Variants in PCDH15 observed in about 807,000 individuals in gnomAD.
PCDH15 encodes protocadherin related 15.
PCDH15 carries 129 observed loss-of-function variants against 178.5 expected under a neutral mutation model. The ratio of observed to expected loss-of-function variants is 0.72; its 90% CI spans 0.63 to 0.84. The LOEUF (loss-of-function observed/expected upper bound fraction) is 0.84, where lower values mean the gene tolerates loss of function less well. PCDH15 is among the 40% of genes least tolerant of loss of function. The probability of loss-of-function intolerance (pLI) is 0.00; values close to 1 mark genes in which losing one functional copy is unlikely to be tolerated. For missense variants in PCDH15, 2,230 were observed against 2,099.9 expected, an observed-to-expected ratio of 1.06 and a Z score of -1.21; for synonymous variants, 800 against 732.0, an observed-to-expected ratio of 1.09 and a Z score of -1.50.
At chr10:55,313,114 A>C (rs1843631418) in intron 1 of PCDH15, among the ~76,000 whole-genome samples, 1 of 152,200 alleles carries the variant, frequency 6.6e-6, no homozygotes, top group African/African-American at 2.4e-5. Flanking sequence ...TTTAGAAAGA[A>C]GCCATAGTGC....
chr10:55,620,175 C>A (rs1233324238), intron 2 of PCDH15, among the ~76,000 whole-genome samples: 1 of 152,134 alleles, frequency 6.6e-6, no homozygotes, highest in East Asian at 1.9e-4. Flanking sequence ...TGCCAAATGT[C>A]ATCAGTATAT....
At position 54,036,126 on chromosome 10, in the gene PCDH15, T is replaced by A. The variant is rs147949390; in HGVS notation, c.2221-12929A>T. Among the ~76,000 whole-genome samples the A allele has an allele frequency of 1.1e-3, 162 of 151,892 alleles. 2 individuals carry two copies. In the East Asian group the frequency reaches 0.029, roughly 27 times the overall value. ...AATTTAAGGGAAAAATAAAAAGCCA[T>A]CTCCATAACATAAAAGTGCAAGGTG... On this transcript the variant is annotated intron_variant, in intron 18 of 37. Transcript: ENST00000644397.
intron 2 of PCDH15, among the ~76,000 whole-genome samples, chr10:54,614,924 G>A (rs935089957): frequency 6.6e-6 from 1 of 151,982 alleles, no homozygotes; most frequent in African/African-American, 2.4e-5. Flanking sequence ...TTGTCAAATG[G>A]CTAATATATG....
chr10:53,960,767 A>T (rs2088212981), intron 22 of PCDH15, among the ~76,000 whole-genome samples: 1 of 152,202 alleles, frequency 6.6e-6, no homozygotes, highest in Non-Finnish European at 1.5e-5. Context: ...GCTGTTCCAA[A>T]CAGCGGTAAA....
intron 2 of PCDH15, among the ~76,000 whole-genome samples, chr10:54,943,889 A>G (rs1838123337): frequency 6.6e-6 from 1 of 151,622 alleles, no homozygotes; most frequent in Admixed American, 6.6e-5. Context: ...TGACATTCTG[A>G]GTAAAGATCT....
chr10:54,751,561 T>G (rs575631418), intron 1 of PCDH15, among the ~76,000 whole-genome samples: 154 of 152,300 alleles, frequency 1.0e-3, no homozygotes, highest in Non-Finnish European at 1.8e-3. Flanking sequence ...ACCGTCTAGT[T>G]CAATCATCTA....
intron 3 of PCDH15, among the ~76,000 whole-genome samples, chr10:54,872,289 T>C (rs1009270564): frequency 2.0e-5 from 3 of 152,066 alleles, no homozygotes; most frequent in Non-Finnish European, 4.4e-5. Flanking sequence ...AAAAGAGACC[T>C]AGTCACCTAT....
intron 8 of PCDH15, among the ~76,000 whole-genome samples, chr10:54,242,124 CTATTTTTA>C (rs2055374835): frequency 3.2e-5 from 2 of 62,250 alleles, no homozygotes; most frequent in Admixed American, 2.3e-4. Flanking sequence ...GGTCTGAATT[CTATTTTTA>C]TATATATATA....
chr10:54,126,733 A>G (rs1056655060), intron 15 of PCDH15, among the ~76,000 whole-genome samples: 5 of 152,162 alleles, frequency 3.3e-5, no homozygotes, highest in African/African-American at 9.6e-5. Context: ...ATGATTATCA[A>G]TCATTCAAAG....
intron 14 of PCDH15, 145 bp from the exon 15 acceptor site, chr10:54,133,152 G>T (rs552139209): frequency 1.0e-6 from 1 of 965,708 alleles, no homozygotes; most frequent in Middle Eastern, 2.9e-4. Flanking sequence ...TGAAAGGATA[G>T]AAAAAACTAC....
chr10:54,225,593 T>C (rs888028110), intron 9 of PCDH15, among the ~76,000 whole-genome samples: 2 of 152,196 alleles, frequency 1.3e-5, no homozygotes, highest in Non-Finnish European at 2.9e-5. Flanking sequence ...TGAAGGAAAC[T>C]TTCTAAAACG....
chr10:55,332,695 C>G (rs1166819996), intron 2 of PCDH15, among the ~76,000 whole-genome samples: 1 of 152,082 alleles, frequency 6.6e-6, no homozygotes, highest in Non-Finnish European at 1.5e-5. Context: ...TGGTTTACCC[C>G]ACAATGTTCT....
intron 2 of PCDH15, among the ~76,000 whole-genome samples, chr10:54,574,612 A>G (rs1219321315): frequency 1.4e-5 from 2 of 137,994 alleles, no homozygotes; most frequent in African/African-American, 5.3e-5. Flanking sequence ...ACCATCTCAC[A>G]CCATTTAGAA....
intron 2 of PCDH15, among the ~76,000 whole-genome samples, chr10:54,959,295 C>T (rs1256469634): frequency 6.6e-6 from 1 of 151,752 alleles, no homozygotes; most frequent in Non-Finnish European, 1.5e-5. Context: ...TTTACAAAGA[C>T]CTGTATTACT....
intron 2 of PCDH15, among the ~76,000 whole-genome samples, chr10:54,552,649 G>A (rs969626092): frequency 6.6e-6 from 1 of 152,074 alleles, no homozygotes; most frequent in Non-Finnish European, 1.5e-5. Context: ...AGAATTGGTG[G>A]AAGCATTAAA....
At chr10:54,288,788 C>T (rs1017711310) in intron 8 of PCDH15, among the ~76,000 whole-genome samples, 5 of 152,298 alleles carry the variant, frequency 3.3e-5, no homozygotes, top group East Asian at 1.9e-4. Context: ...GATTGAACTG[C>T]GGGGCAGCAG....
intron 1 of PCDH15, among the ~76,000 whole-genome samples, chr10:55,208,994 G>A (rs1419086699): frequency 6.6e-6 from 1 of 152,028 alleles, no homozygotes; most frequent in Non-Finnish European, 1.5e-5. Flanking sequence ...AGTAACATGG[G>A]TCCATTTATA....
At chr10:54,329,766 A>C in intron 6 of PCDH15, 60 bp from the exon 7 acceptor site, 1 of 1,108,896 alleles carries the variant, frequency 9.0e-7, no homozygotes, top group Non-Finnish European at 1.4e-6. Context: ...TTAATAACTC[A>C]ATATTTTGGA....
At chr10:54,666,304 C>T (rs1285640626) in intron 1 of PCDH15, among the ~76,000 whole-genome samples, 3 of 152,000 alleles carry the variant, frequency 2.0e-5, no homozygotes, top group Non-Finnish European at 4.4e-5. Context: ...AAAGGTCAGG[C>T]TCAGAGAGAA....
Sources: allele counts gnomAD v4.1 joint callset (sites outside exome capture counted in the v4.1 genomes callset), GRCh38; gene constraint gnomAD v4.1.1; transcripts MANE v1.5; gene names NCBI Gene and HGNC (gene_info 2026-07-23, HGNC 2026-07-21).